The following RBFOX1 variants were observed in gnomAD, a reference collection of about 807,000 sequenced individuals.
RBFOX1 encodes the protein RNA binding protein fox-1 homolog 1.
Under a neutral mutation model 57.7 loss-of-function variants are expected in RBFOX1, and 8 were observed. The ratio of observed to expected loss-of-function variants is 0.14; its 90% CI spans 0.08 to 0.25. The LOEUF (loss-of-function observed/expected upper bound fraction) is 0.25. RBFOX1 is among the 10% of genes least tolerant of loss of function. The pLI, the probability that RBFOX1 is intolerant of heterozygous loss-of-function variation, is 1.00. For synonymous variants in RBFOX1, 326 were observed against 222.4 expected, an observed-to-expected ratio of 1.47 and a Z score of -4.15; for missense variants, 611 against 548.5, an observed-to-expected ratio of 1.11 and a Z score of -1.14.
At chr16:7,072,635 G>T (rs983776528) in intron 4 of RBFOX1, among the ~76,000 whole-genome samples, 1 of 152,204 alleles carries the variant, frequency 6.6e-6, no homozygotes, top group East Asian at 1.9e-4. Flanking sequence ...CCTAGGAAGA[G>T]ATTTCAGAAT....
At chr16:6,333,100 C>T (rs997283241) in intron 2 of RBFOX1, among the ~76,000 whole-genome samples, 2 of 152,076 alleles carry the variant, frequency 1.3e-5, no homozygotes, top group Non-Finnish European at 2.9e-5. Flanking sequence ...AGTGCGGTGG[C>T]ATGATGTCCC....
chr16:7,032,717 C>T lies in RBFOX1; in HGVS notation c.-15-19340C>T, dbSNP rs114325950. 7.6e-3 allele frequency among the ~76,000 whole-genome samples: 1,150 copies of T among 152,080 alleles called. 20 individuals are homozygous for T. The highest frequency in any genetic ancestry group is 0.027 in the African/African-American group (1,114 of 41,518). On this transcript the variant is annotated intron_variant, in intron 3 of 15. Coordinates refer to ENST00000550418, the MANE Select transcript of RBFOX1 (RefSeq NM_018723.4). ...ATGGTTCATTTTCAGGTAGTTTTAT[C>T]CTCGAATTTCACTTGTTATTTTGTT...
intron 4 of RBFOX1, among the ~76,000 whole-genome samples, chr16:7,258,181 G>C (rs1184305495): frequency 6.6e-6 from 1 of 152,144 alleles, no homozygotes; most frequent in Non-Finnish European, 1.5e-5. Flanking sequence ...TTTAGGTATG[G>C]TTAACAATGT....
intron 2 of RBFOX1, among the ~76,000 whole-genome samples, chr16:6,594,695 CT>C (rs34986441): frequency 0.93 from 140,531 of 151,690 alleles, 66,054 homozygotes; most frequent in East Asian, 1. Context: ...CATCTTTGTA[CT>C]TTTTTTTTTG....
intron 4 of RBFOX1, among the ~76,000 whole-genome samples, chr16:7,289,870 G>C (rs1435578421): frequency 2.6e-5 from 4 of 152,194 alleles, no homozygotes; most frequent in Non-Finnish European, 5.9e-5. Flanking sequence ...CACTCAGCTA[G>C]TATGCTGTAG....
At chr16:7,284,669 A>G (rs1193483571) in intron 4 of RBFOX1, among the ~76,000 whole-genome samples, 1 of 152,184 alleles carries the variant, frequency 6.6e-6, no homozygotes, top group Non-Finnish European at 1.5e-5. Flanking sequence ...AGAGAGGCAG[A>G]GGACAGAGTG....
intron 2 of RBFOX1, among the ~76,000 whole-genome samples, chr16:6,424,041 C>CA (rs2093850735): frequency 6.6e-6 from 1 of 152,132 alleles, no homozygotes; most frequent in Non-Finnish European, 1.5e-5. Context: ...AGTTCGAGAC[C>CA]AGCCTGGCCA....
intron 3 of RBFOX1, among the ~76,000 whole-genome samples, chr16:6,844,030 A>G (rs138229128): frequency 6.9e-4 from 104 of 151,542 alleles, no homozygotes; most frequent in African/African-American, 2.5e-3. Flanking sequence ...TTTCCCAACA[A>G]TCCATTTTCT....
chr16:7,017,891 C>T (rs536969057), intron 3 of RBFOX1, among the ~76,000 whole-genome samples: 2 of 152,094 alleles, frequency 1.3e-5, no homozygotes, highest in Non-Finnish European at 2.9e-5. Flanking sequence ...TTAGCAACAA[C>T]AGAGAGATGA....
intron 3 of RBFOX1, among the ~76,000 whole-genome samples, chr16:6,770,780 T>G (rs1448842762): frequency 6.6e-6 from 1 of 152,132 alleles, no homozygotes; most frequent in Admixed American, 6.5e-5. Context: ...GTTGGGAAGT[T>G]AAGGAAGTTA....
intron 4 of RBFOX1, among the ~76,000 whole-genome samples, chr16:7,383,487 C>G (rs1023544392): frequency 6.6e-6 from 1 of 152,040 alleles, no homozygotes; most frequent in Admixed American, 6.6e-5. Flanking sequence ...GGCCAAGGTG[C>G]CAGCTGAATT....
intron 1 of RBFOX1, among the ~76,000 whole-genome samples, chr16:6,274,444 T>C (rs1179691590): frequency 6.6e-6 from 1 of 152,068 alleles, no homozygotes; most frequent in East Asian, 1.9e-4. Context: ...TTATGCCGCA[T>C]GAAAAATTCC....
chr16:7,032,149 G>T (rs566572780), intron 3 of RBFOX1, among the ~76,000 whole-genome samples: 1 of 152,094 alleles, frequency 6.6e-6, no homozygotes. Flanking sequence ...TCTTGGCGGG[G>T]TGCGGTGGCC....
At chr16:5,604,262 T>C (rs968028369), downstream of RBFOX1, among the ~76,000 whole-genome samples, 68 of 152,334 alleles carry the variant, frequency 4.5e-4, no homozygotes, top group African/African-American at 1.6e-3. Flanking sequence ...TCTACCATCT[T>C]ATTGCTTCGA....
intron 4 of RBFOX1, among the ~76,000 whole-genome samples, chr16:7,452,926 A>G (rs751386143): frequency 2.6e-4 from 39 of 152,148 alleles, no homozygotes; most frequent in Non-Finnish European, 5.3e-4. Context: ...GCCAGGAGTT[A>G]GAGAACAGCC....
intron 4 of RBFOX1, among the ~76,000 whole-genome samples, chr16:7,447,868 G>A (rs1218396542): frequency 6.6e-6 from 1 of 152,244 alleles, no homozygotes; most frequent in East Asian, 1.9e-4. Flanking sequence ...TGTGTTCTAT[G>A]AATTAGCTGT....
chr16:5,403,145 G>A (rs1326326993), intron 1 of RBFOX1, among the ~76,000 whole-genome samples: 2 of 152,026 alleles, frequency 1.3e-5, no homozygotes, highest in African/African-American at 4.8e-5. Context: ...GAGGTTGGGA[G>A]TTCCAGACCA....
intron 1 of RBFOX1, among the ~76,000 whole-genome samples, chr16:6,309,894 T>C (rs2080027528): frequency 6.6e-6 from 1 of 152,144 alleles, no homozygotes; most frequent in Admixed American, 6.5e-5. Context: ...TTATTGACTT[T>C]AGTAGTAGTA....
At chr16:7,552,808 G>A (rs921195222) in intron 5 of RBFOX1, among the ~76,000 whole-genome samples, 11 of 151,938 alleles carry the variant, frequency 7.2e-5, no homozygotes, top group Admixed American at 1.3e-4. Context: ...TCAGACTCTC[G>A]AGTAGCTGGG....
Sources: allele counts gnomAD v4.1 joint callset (sites outside exome capture counted in the v4.1 genomes callset), GRCh38; gene constraint gnomAD v4.1.1; transcripts MANE v1.5; gene names NCBI Gene and HGNC (gene_info 2026-07-23, HGNC 2026-07-21).